GULP1: variants seen among roughly 807,000 people sequenced by gnomAD.
The protein encoded by GULP1 is GULP PTB domain containing engulfment adaptor 1.
GULP1 carries 19 observed loss-of-function variants against 40.9 expected under a neutral mutation model. The ratio of observed to expected loss-of-function variants is 0.46; its 90% confidence interval spans 0.32 to 0.68. The LOEUF is 0.68. GULP1 is among the 30% of genes least tolerant of loss of function. The pLI, the probability that GULP1 is intolerant of heterozygous loss-of-function variation, is 0.03. For missense variants in GULP1, 312 were observed against 362.2 expected, an observed-to-expected ratio of 0.86 and a Z score of 1.12; for synonymous variants, 119 against 117.6, an observed-to-expected ratio of 1.01 and a Z score of -0.08.
At chr2:188,440,806 T>G (rs1456756395) in intron 2 of GULP1, among the ~76,000 whole-genome samples, 1 of 152,206 alleles carries the variant, frequency 6.6e-6, no homozygotes, top group Non-Finnish European at 1.5e-5. Flanking sequence ...TACTTTACTA[T>G]GTGGAATATT....
At chr2:188,356,382 C>G (rs1374874963) in intron 1 of GULP1, among the ~76,000 whole-genome samples, 1 of 152,054 alleles carries the variant, frequency 6.6e-6, no homozygotes, top group African/African-American at 2.4e-5. Flanking sequence ...AGTAGTGTTT[C>G]TATACACCAA....
intron 1 of GULP1, among the ~76,000 whole-genome samples, chr2:188,340,020 GA>G (rs1473025831): frequency 1.3e-5 from 2 of 152,182 alleles, no homozygotes; most frequent in Non-Finnish European, 2.9e-5. Context: ...AACCTAAAAA[GA>G]ACGAGAGAGA....
At chr2:188,466,667 A>G (rs2060156882) in intron 2 of GULP1, 1 of 152,016 alleles carries the variant, frequency 6.6e-6, no homozygotes, top group Non-Finnish European at 1.5e-5. Flanking sequence ...TTATCTATTT[A>G]CATATACTTC....
At chr2:188,438,865 C>T (rs1480941891) in intron 2 of GULP1, among the ~76,000 whole-genome samples, 2 of 151,702 alleles carry the variant, frequency 1.3e-5, no homozygotes, top group African/African-American at 4.8e-5. Context: ...ATGTCTGTAA[C>T]AATAAACTGT....
At chr2:188,361,960 GT>G (rs2046153534) in intron 1 of GULP1, among the ~76,000 whole-genome samples, 1 of 146,746 alleles carries the variant, frequency 6.8e-6, no homozygotes, top group African/African-American at 2.7e-5. Context: ...TTGACAAAAT[GT>G]TTTTTGTAAA....
intron 2 of GULP1, among the ~76,000 whole-genome samples, chr2:188,442,235 C>T (rs1026079631): frequency 2.6e-5 from 4 of 152,108 alleles, no homozygotes; most frequent in African/African-American, 4.8e-5. Flanking sequence ...TGTGCAAATA[C>T]AATTTTCTGC....
At position 188,570,013 on chromosome 2, in the gene GULP1, T is replaced by C. The variant is rs377527204; in HGVS notation, c.517-15T>C. 6 of 956,644 alleles carry C rather than the reference T, an allele frequency of 6.3e-6. No homozygotes were observed. Among genetic ancestry groups the C allele is most frequent in the East Asian group, 2.5e-5 (1 of 39,968 alleles). The allele number at this position is 956,644 out of a possible 1,614,324, so 59.3% of individuals were successfully genotyped here. On this transcript the variant is annotated splice_polypyrimidine_tract_variant and intron_variant, in intron 8 of 11. Transcript: ENST00000409830. ...AAAAAAACAGAAAGTTATTCAATAA[T>C]GATTTTCTTTTTAGATCCAAGACTT...
At chr2:188,499,133 GTGTATATA>G (rs374399009) in intron 4 of GULP1, among the ~76,000 whole-genome samples, 12,334 of 120,570 alleles carry the variant, frequency 0.1, 716 homozygotes, top group African/African-American at 0.16. Flanking sequence ...ATATATGTGT[GTGTATATA>G]TATATATATA....
intron 7 of GULP1, among the ~76,000 whole-genome samples, chr2:188,545,532 A>C (rs1691694442): frequency 6.6e-6 from 1 of 151,936 alleles, no homozygotes; most frequent in Admixed American, 6.6e-5. Flanking sequence ...AACTATGATA[A>C]GTTATATAGA....
At chr2:188,414,034 T>G (rs2054247279) in intron 2 of GULP1, among the ~76,000 whole-genome samples, 1 of 151,942 alleles carries the variant, frequency 6.6e-6, no homozygotes, top group African/African-American at 2.4e-5. Flanking sequence ...CGGACCAACA[T>G]GGTGAAACCC....
At chr2:188,380,861 A>G (rs565498885) in intron 1 of GULP1, among the ~76,000 whole-genome samples, 1 of 152,272 alleles carries the variant, frequency 6.6e-6, no homozygotes, top group East Asian at 1.9e-4. Flanking sequence ...ACATTAACAA[A>G]TTGAAGCATT....
chr2:188,508,017 T>C (rs1423503465), intron 4 of GULP1, among the ~76,000 whole-genome samples: 2 of 152,032 alleles, frequency 1.3e-5, no homozygotes, highest in African/African-American at 4.8e-5. Flanking sequence ...ATCAGGCTAT[T>C]AAATTTTTAT....
chr2:188,502,129 G>A (rs1431353201), intron 4 of GULP1, among the ~76,000 whole-genome samples: 1 of 151,866 alleles, frequency 6.6e-6, no homozygotes, highest in Non-Finnish European at 1.5e-5. Flanking sequence ...CCCTAGCGGT[G>A]TAAGAGGCAA....
chr2:188,327,282 G>A (rs1369905379), intron 1 of GULP1, among the ~76,000 whole-genome samples: 3 of 152,112 alleles, frequency 2.0e-5, no homozygotes, highest in Non-Finnish European at 4.4e-5. Context: ...AGGGCTCTTT[G>A]TTTCACAAGT....
intron 4 of GULP1, among the ~76,000 whole-genome samples, chr2:188,489,894 A>G (rs2062197796): frequency 1.3e-5 from 2 of 152,118 alleles, no homozygotes; most frequent in African/African-American, 4.8e-5. Flanking sequence ...GAACAAATGG[A>G]GAAAAGGAAA....
intron 2 of GULP1, among the ~76,000 whole-genome samples, chr2:188,455,133 A>AAAAAT (rs1239187691): frequency 2.2e-4 from 33 of 152,102 alleles, no homozygotes; most frequent in Admixed American, 1.2e-3. Flanking sequence ...TCCTGTCTTC[A>AAAAAT]AAAATAAAAT....
chr2:188,417,967 T>C (rs1488913508), intron 2 of GULP1, among the ~76,000 whole-genome samples: 1 of 151,728 alleles, frequency 6.6e-6, no homozygotes, highest in Non-Finnish European at 1.5e-5. Context: ...TTTTTTTTTG[T>C]TTTTTTGTTT....
chr2:188,520,319 C>T (rs1466815545), intron 4 of GULP1, among the ~76,000 whole-genome samples: 2 of 152,024 alleles, frequency 1.3e-5, no homozygotes, highest in Admixed American at 6.5e-5. Context: ...GGGTGGATCA[C>T]GAGGTCAGGA....
chr2:188,299,366 C>G (rs2035698339), intron 1 of GULP1, among the ~76,000 whole-genome samples: 1 of 152,160 alleles, frequency 6.6e-6, no homozygotes, highest in South Asian at 2.1e-4. Flanking sequence ...AACAGGGAAG[C>G]TCAATATACT....
Sources: gnomAD v4.1 joint callset for allele counts (sites outside exome capture counted in the v4.1 genomes callset) on GRCh38, gnomAD v4.1.1 for gene constraint, MANE v1.5 for transcripts, NCBI Gene and HGNC (gene_info 2026-07-23, HGNC 2026-07-21) for gene names.